The following SLC7A14 variants were observed in gnomAD, a reference collection of about 807,000 sequenced individuals.
The protein encoded by SLC7A14 is solute carrier family 7 member 14.
A neutral mutation model predicts 60.2 loss-of-function variants in SLC7A14; 37 were observed. That is an observed-to-expected ratio of 0.61 (90% CI 0.47 to 0.81). The LOEUF (loss-of-function observed/expected upper bound fraction) is 0.81. Ranked by LOEUF, SLC7A14 falls within the 30% of genes least tolerant of loss-of-function variation. The pLI is 0.00. For synonymous variants in SLC7A14, 399 were observed against 395.8 expected, an observed-to-expected ratio of 1.01 and a Z score of -0.10; for missense variants, 886 against 982.7, an observed-to-expected ratio of 0.90 and a Z score of 1.32.
intron 7 of SLC7A14, among the ~76,000 whole-genome samples, chr3:170,472,374 A>AT (rs1034280020): frequency 6.7e-6 from 1 of 150,338 alleles, no homozygotes; most frequent in Non-Finnish European, 1.5e-5. Context: ...ATCTCAAAAA[A>AT]AAAAAAGTTT....
chr3:170,474,684 G>T (rs1250829300), intron 7 of SLC7A14, among the ~76,000 whole-genome samples: 3 of 152,000 alleles, frequency 2.0e-5, no homozygotes, highest in African/African-American at 7.3e-5. Context: ...GGCTGCTTTG[G>T]GTCAATTTCC....
intron 4 of SLC7A14, among the ~76,000 whole-genome samples, chr3:170,492,233 G>A (rs534984800): frequency 6.6e-6 from 1 of 152,278 alleles, no homozygotes; most frequent in South Asian, 2.1e-4. Context: ...AATAAAATTG[G>A]TGGGTGAAAT....
In SLC7A14 at chr3:170,480,845, G is replaced by C. The variant is rs776138871; in HGVS notation, c.1437C>G (p.Asn479Lys). Residue 479 changes from asparagine (N) to lysine (K), a missense_variant, in exon 7 of 8, where the codon AAC (asparagine) becomes AAG (lysine). Asn to Lys is a moderately conservative substitution (Grantham distance 94). Coordinates refer to ENST00000231706, the MANE Select transcript of SLC7A14 (RefSeq NM_020949.3). ...ATGGTAAGTTCTTGGCCCCACATGTGTTGGTGGCTGGGCCAGAAAACTCAT... is the reference window on the plus strand; with the variant it reads ...ATGGTAAGTTCTTGGCCCCACATGTCTTGGTGGCTGGGCCAGAAAACTCAT... ...EGDEFSGPATNTCGAKNLPSL... is the reference protein window; with the variant it reads ...EGDEFSGPATKTCGAKNLPSL... 6.2e-7 allele frequency: 1 copy of C among 1,614,104 alleles called. No homozygotes were observed. Among genetic ancestry groups the C allele is most frequent in the East Asian group, 2.2e-5 (1 of 44,868 alleles).
intron 7 of SLC7A14, among the ~76,000 whole-genome samples, chr3:170,475,286 A>AT (rs995416206): frequency 1.3e-5 from 2 of 152,224 alleles, no homozygotes; most frequent in Admixed American, 1.3e-4. Context: ...AAAAGCTTGG[A>AT]TAAAAAAATG....
At chr3:170,563,150 G>A (rs1489356846) in intron 1 of SLC7A14, among the ~76,000 whole-genome samples, 1 of 152,112 alleles carries the variant, frequency 6.6e-6, no homozygotes, top group East Asian at 1.9e-4. Context: ...TGGTTTAGGT[G>A]AAGCTTCTTT....
chr3:170,579,765 A>G (rs952392737), intron 1 of SLC7A14, among the ~76,000 whole-genome samples: 1 of 152,254 alleles, frequency 6.6e-6, no homozygotes, highest in African/African-American at 2.4e-5. Context: ...GCCTGCTGCT[A>G]TCATGAAGGC....
intron 7 of SLC7A14, among the ~76,000 whole-genome samples, chr3:170,479,517 G>A (rs923914948): frequency 1.3e-5 from 2 of 152,172 alleles, no homozygotes; most frequent in African/African-American, 4.8e-5. Context: ...GAAGGTACAG[G>A]ACTTCTTGAA....
At chr3:170,576,562 A>C (rs568010826) in intron 1 of SLC7A14, among the ~76,000 whole-genome samples, 4 of 152,310 alleles carry the variant, frequency 2.6e-5, no homozygotes, top group African/African-American at 9.6e-5. Context: ...GTCTGGTCAT[A>C]CTTCTGAACA....
chr3:170,577,534 C>T (rs1192291890), intron 1 of SLC7A14, among the ~76,000 whole-genome samples: 15 of 146,614 alleles, frequency 1.0e-4, no homozygotes, highest in Admixed American at 7.0e-4. Context: ...AGGAGAATGG[C>T]GTGAACCCGG....
chr3:170,484,869 A>G (rs1711967841), intron 5 of SLC7A14, among the ~76,000 whole-genome samples: 1 of 152,152 alleles, frequency 6.6e-6, no homozygotes, highest in South Asian at 2.1e-4. Flanking sequence ...GGAGAGTGGG[A>G]TTGAGCCTCC....
intron 1 of SLC7A14, among the ~76,000 whole-genome samples, chr3:170,546,806 T>C (rs968254547): frequency 2.0e-5 from 3 of 152,036 alleles, no homozygotes; most frequent in African/African-American, 7.3e-5. Context: ...CCCTACAGGG[T>C]GCACTTGAAT....
intron 2 of SLC7A14, among the ~76,000 whole-genome samples, chr3:170,513,742 C>T (rs528115674): frequency 6.6e-6 from 1 of 152,184 alleles, no homozygotes; most frequent in South Asian, 2.1e-4. Context: ...AATAAAGGAT[C>T]CATTCTCTTG....
chr3:170,581,327 TTTG>T (rs1715228044), intron 1 of SLC7A14, among the ~76,000 whole-genome samples: 1 of 152,192 alleles, frequency 6.6e-6, no homozygotes, highest in Admixed American at 6.5e-5. Context: ...ATGCTTGTAT[TTTG>T]TTATTTCTGA....
chr3:170,493,928 A>G (rs534718676), intron 4 of SLC7A14, among the ~76,000 whole-genome samples: 3 of 152,360 alleles, frequency 2.0e-5, no homozygotes, highest in African/African-American at 4.8e-5. Context: ...ATCATCCCCA[A>G]GTTTCCTTTA....
intron 1 of SLC7A14, among the ~76,000 whole-genome samples, chr3:170,567,950 T>G: frequency 6.6e-6 from 1 of 151,930 alleles, no homozygotes. Context: ...TTCTCCCATT[T>G]TGTAGGTTGC....
rs1056967844 is a variant in SLC7A14, at chr3:170,532,111, C to T, written c.-152-5023G>A. ...CTACAAAAATCCCTCATGACACACT[C>T]GATGAGTAGTTGTCCAGCTTTTTCT... On this transcript the variant is annotated intron_variant, in intron 1 of 7. Coordinates refer to ENST00000231706, the MANE Select transcript of SLC7A14 (RefSeq NM_020949.3). The surrounding 1 kb of genome is among the most constrained non-coding windows in gnomAD (Gnocchi z 4.0). 3.9e-5 allele frequency among the ~76,000 whole-genome samples: 6 copies of T among 152,134 alleles called. No individual in the cohort carries two copies. The highest frequency in any genetic ancestry group is 9.7e-5 in the African/African-American group (4 of 41,406).
In SLC7A14 at chr3:170,464,171, A is replaced by G. The variant is rs552635264; in HGVS notation, c.*2884T>C. 6.6e-6 allele frequency: 1 copy of G among 152,334 alleles called. No homozygotes were observed. The highest frequency in any genetic ancestry group is 2.1e-4 in the South Asian group (1 of 4,822). The allele number at this position is 152,334 out of a possible 1,614,324, so 9.4% of individuals were successfully genotyped here. On this transcript the variant is annotated 3_prime_UTR_variant, in exon 8 of 8. Coordinates refer to ENST00000231706, the MANE Select transcript of SLC7A14 (RefSeq NM_020949.3). Reference sequence around the variant, plus strand: ...TATATATATTTTAGTAGCTGCCTCAAATCCTTTTGAAATGAAGCAGAGTAC... The same window carrying G: ...TATATATATTTTAGTAGCTGCCTCAGATCCTTTTGAAATGAAGCAGAGTAC...
chr3:170,540,657 G>A (rs1017627691), intron 1 of SLC7A14, among the ~76,000 whole-genome samples: 9 of 152,114 alleles, frequency 5.9e-5, no homozygotes, highest in Non-Finnish European at 1.3e-4. Flanking sequence ...CTTCTCTGAG[G>A]CAGGTTCCTT....
At chr3:170,542,316 A>G (rs571249375) in intron 1 of SLC7A14, among the ~76,000 whole-genome samples, 4 of 152,244 alleles carry the variant, frequency 2.6e-5, no homozygotes, top group Admixed American at 2.6e-4. Flanking sequence ...AGAGGCAACT[A>G]ATTGTGTTAA....
Sources: allele counts gnomAD v4.1 joint callset (sites outside exome capture counted in the v4.1 genomes callset), GRCh38; gene constraint gnomAD v4.1.1; non-coding constraint Gnocchi (gnomAD v3.1); transcripts MANE v1.5; gene names NCBI Gene and HGNC (gene_info 2026-07-23, HGNC 2026-07-21).